TYK2: variants seen among roughly 807,000 people sequenced by gnomAD.
TYK2 encodes the protein tyrosine kinase 2, also known as non-receptor tyrosine-protein kinase TYK2.
TYK2 carries 65 observed loss-of-function variants against 130.9 expected under a neutral mutation model. The observed-to-expected ratio is 0.50, with a 90% CI of 0.41 to 0.61. The LOEUF (loss-of-function observed/expected upper bound fraction) is 0.61. Ranked by LOEUF, TYK2 falls within the 20% of genes least tolerant of loss-of-function variation. TYK2 has a pLI of 0.00. For missense variants in TYK2, 1,378 were observed against 1,610.7 expected (o/e 0.86, Z 2.47); for synonymous variants, 647 against 658.9 (o/e 0.98, Z 0.28).
intron 18 of TYK2, 83 bp from the exon 19 acceptor site, chr19:10,354,692 A>T (rs139395967): frequency 8.8e-7 from 1 of 1,135,324 alleles, no homozygotes; most frequent in East Asian, 2.3e-5. Context: ...AGCCAGCCAC[A>T]GCTACCCCAG....
Position 10,354,273 on chromosome 19 carries a change from A to G in TYK2, c.2716-39T>C, listed in dbSNP as rs116502549. On this transcript the variant is annotated intron_variant, in intron 19 of 24. Transcript: ENST00000525621. Reference sequence around the variant, plus strand: ...CACGAGGGTCAGCTCCACCTCCCCAATCCCTGCACCACTCCCCAACCCCCG... The same window carrying G: ...CACGAGGGTCAGCTCCACCTCCCCAGTCCCTGCACCACTCCCCAACCCCCG... The G allele has an allele frequency of 8.9e-4, 1,420 of 1,599,662 alleles. 16 individuals are homozygous for G. The African/African-American group carries it at 0.017, about 19-fold the overall frequency.
In TYK2 at chr19:10,350,550, T is replaced by A; in HGVS notation, c.*284A>T. On this transcript the variant is annotated 3_prime_UTR_variant, in exon 25 of 25. Transcript: ENST00000525621. ...GGCTCCAGCAGAGAAAACATGAGTTTATTACCAGATGGTGGAGATGGTGGG... is the reference window on the plus strand; with the variant it reads ...GGCTCCAGCAGAGAAAACATGAGTTAATTACCAGATGGTGGAGATGGTGGG... 1 of 493,440 alleles carries A rather than the reference T, an allele frequency of 2.0e-6. No homozygotes were observed. The highest frequency in any genetic ancestry group is 3.5e-5 in the East Asian group (1 of 28,800). 30.6% of individuals were successfully genotyped at this position (493,440 alleles called of 1,614,324 possible).
chr19:10,367,302 C>G (rs2041706197), intron 5 of TYK2, among the ~76,000 whole-genome samples: 1 of 152,012 alleles, frequency 6.6e-6, no homozygotes, highest in Non-Finnish European at 1.5e-5. Context: ...GCAGACATTA[C>G]TAATCAATCA....
Position 10,368,162 on chromosome 19 carries a change from G to A in TYK2, c.358C>T (p.Pro120Ser), listed in dbSNP as rs199807224. 1.2e-5 allele frequency: 20 copies of A among 1,614,134 alleles called. No individual in the cohort carries two copies. The Admixed American group carries it at 3.0e-4, about 24-fold the overall frequency. The change falls in exon 5 of 25, where the codon CCG becomes TCG. Residue 120 changes from proline (P) to serine (S), a missense_variant. By Grantham distance (74) the Pro-to-Ser change is moderately conservative. Coordinates refer to ENST00000525621, the MANE Select transcript of TYK2 (RefSeq NM_003331.5). The part of the protein sequence containing the change: ...RNWHGMNPRE[P>S]AVYRCGPPGT... Reference sequence around the variant, plus strand: ...GGGGGCCCACAACGGTACACAGCCGGTTCCCGAGGATTCATGCCATGCCAG... The same window carrying A: ...GGGGGCCCACAACGGTACACAGCCGATTCCCGAGGATTCATGCCATGCCAG...
rs962122658 is a variant in TYK2, at chr19:10,361,271, G to A, written c.2047+240C>T. 6 of 617,494 alleles carry A rather than the reference G, an allele frequency of 9.7e-6. No homozygotes were observed. Among genetic ancestry groups the A allele is most frequent in the Non-Finnish European group, 1.8e-5 (6 of 338,518 alleles). 38.3% of individuals were successfully genotyped at this position (617,494 alleles called of 1,614,324 possible). On this transcript the variant is annotated intron_variant, in intron 14 of 24. Transcript: ENST00000525621. This position sits in a 1 kb window ranked among gnomAD's most constrained non-coding sequence, Gnocchi z 4.0. ...GGATGTAGTTGGGAATCAGGGTGGG[G>A]GTTGAGACTGAGGGCAGGTGAGGGT...
intron 3 of TYK2, among the ~76,000 whole-genome samples, chr19:10,371,997 GTT>G (rs1323159062): frequency 6.9e-6 from 1 of 145,638 alleles, no homozygotes; most frequent in African/African-American, 2.5e-5. Flanking sequence ...CTGAGTTTTT[GTT>G]TTTTTTTTTG....
intron 3 of TYK2, chr19:10,368,812 AC>A (rs2041789526): frequency 4.7e-6 from 1 of 213,724 alleles, no homozygotes. Context: ...TTTAAGTAAA[AC>A]TTTTTTTTTT....
At chr19:10,366,649 A>G (rs2041679229) in intron 5 of TYK2, 69 bp from the exon 6 acceptor site, 2 of 1,577,624 alleles carry the variant, frequency 1.3e-6, no homozygotes, top group Non-Finnish European at 1.7e-6. Context: ...GAGGTATCCA[A>G]TCTTCTGGCT....
chr19:10,357,684 C>T, intron 17 of TYK2, 80 bp downstream of exon 17: 1 of 1,540,854 alleles, frequency 6.5e-7, no homozygotes, highest in South Asian at 1.2e-5. Context: ...AGGGATGCAG[C>T]TTTGAGCTCT....
At chr19:10,354,012 A>C (rs2040952360) in intron 20 of TYK2, 30 bp downstream of exon 20, 5 of 1,611,892 alleles carry the variant, frequency 3.1e-6, no homozygotes, top group Non-Finnish European at 3.4e-6. Flanking sequence ...CGCCCCCTCA[A>C]GTCTCTAGGA....
chr19:10,350,881 G>A lies in TYK2; in HGVS notation c.3517C>T (p.His1173Tyr), dbSNP rs2040765327. 6.2e-7 allele frequency: 1 copy of A among 1,614,154 alleles called. No homozygotes were observed. The highest frequency in any genetic ancestry group is 8.5e-7 in the Non-Finnish European group (1 of 1,180,034). Residue 1173 changes from histidine to tyrosine, a missense_variant, in exon 25 of 25, where the codon CAT (histidine) becomes TAT (tyrosine). Physicochemically the swap from His to Tyr is moderately conservative, Grantham distance 83 (BLOSUM62 2). Coordinates refer to ENST00000525621, the MANE Select transcript of TYK2 (RefSeq NM_003331.5). ...GGGGCCTGGCCTTGGTACTTCTCAT[G>A]GACTGTCTTCAGAATGGGTATGAGG... ...ENLIPILKTV[H>Y]EKYQGQAPSV...
At chr19:10,355,199 G>A (rs2041031214) in intron 18 of TYK2, among the ~76,000 whole-genome samples, 2 of 152,268 alleles carry the variant, frequency 1.3e-5, no homozygotes, top group Middle Eastern at 3.4e-3. Flanking sequence ...GGCCGAGGCA[G>A]GAGGATCCCT....
At chr19:10,354,480 G>A (rs757371809) in intron 19 of TYK2, 32 bp downstream of exon 19, 7 of 1,593,346 alleles carry the variant, frequency 4.4e-6, no homozygotes, top group South Asian at 2.2e-5. Context: ...CCGACCAGGC[G>A]GGCCTTTTAG....
chr19:10,359,365 T>C, intron 14 of TYK2, 63 bp from the exon 15 acceptor site: 1 of 1,585,194 alleles, frequency 6.3e-7, no homozygotes, highest in Non-Finnish European at 8.5e-7. Context: ...GGCGGGGAAT[T>C]GGGGGAGACG....
At chr19:10,366,874 G>A (rs975108379) in intron 5 of TYK2, among the ~76,000 whole-genome samples, 7 of 151,806 alleles carry the variant, frequency 4.6e-5, no homozygotes, top group South Asian at 2.1e-4. Context: ...GAGAAAACTC[G>A]CCTATACTAA....
chr19:10,378,865 ATCT>A (rs2042268800), intron 2 of TYK2, among the ~76,000 whole-genome samples: 1 of 151,178 alleles, frequency 6.6e-6, no homozygotes, highest in Non-Finnish European at 1.5e-5. Flanking sequence ...ATCTTATCTT[ATCT>A]TATCTTATCT....
chr19:10,365,983 T>A, intron 6 of TYK2, 85 bp from the exon 7 acceptor site: 2 of 1,409,342 alleles, frequency 1.4e-6, no homozygotes, highest in Non-Finnish European at 1.9e-6. Context: ...CTTAACCTCT[T>A]TGAGCCTCAG....
chr19:10,365,418 C>T, intron 7 of TYK2, 99 bp downstream of exon 7: 3 of 1,575,528 alleles, frequency 1.9e-6, no homozygotes, highest in Non-Finnish European at 2.6e-6. Context: ...GGGGAGAGGG[C>T]TCAGGTCAGC....
rs1163997352 is a variant in TYK2 at position 10,354,035 on chromosome 19, C to T, written c.2908+7G>A. 3 of 1,613,960 alleles carry T rather than the reference C, an allele frequency of 1.9e-6. No homozygotes were observed. The highest frequency in any genetic ancestry group is 2.2e-5 in the East Asian group (1 of 44,884). On this transcript the variant is annotated splice_region_variant and intron_variant, in intron 20 of 24. Transcript: ENST00000525621. ...CAAGTCTCTAGGACTCGCCGGGTCC[C>T]GCCCACCTTGGTCCTCGCAGCAGCC... is the stretch of plus-strand genomic sequence containing the variant.
Sources: allele counts gnomAD v4.1 joint callset (sites outside exome capture counted in the v4.1 genomes callset), GRCh38; gene constraint gnomAD v4.1.1; non-coding constraint Gnocchi (gnomAD v3.1); transcripts MANE v1.5; gene names NCBI Gene and HGNC (gene_info 2026-07-23, HGNC 2026-07-21).